DYRK1A: variants seen among roughly 807,000 people sequenced by gnomAD.
DYRK1A encodes the protein dual specificity tyrosine-phosphorylation-regulated kinase 1A.
Under a neutral mutation model 79.7 loss-of-function variants are expected in DYRK1A, and 9 were observed. The observed-to-expected ratio is 0.11, with a 90% confidence interval of 0.07 to 0.20. The LOEUF (loss-of-function observed/expected upper bound fraction) is 0.20. DYRK1A is among the 10% of genes least tolerant of loss of function. DYRK1A has a pLI of 1.00. For synonymous variants in DYRK1A, 349 were observed against 329.7 expected, an observed-to-expected ratio of 1.06 and a Z score of -0.63; for missense variants, 622 against 956.0, an observed-to-expected ratio of 0.65 and a Z score of 4.61.
chr21:37,382,617 A>G (rs971409865), intron 1 of DYRK1A, among the ~76,000 whole-genome samples: 3 of 152,206 alleles, frequency 2.0e-5, no homozygotes, highest in African/African-American at 4.8e-5. Context: ...TTTTCTAAAA[A>G]AGGTATTCTT....
chr21:37,437,942 G>C (rs2050975226), intron 2 of DYRK1A, among the ~76,000 whole-genome samples: 1 of 152,190 alleles, frequency 6.6e-6, no homozygotes, highest in Non-Finnish European at 1.5e-5. Flanking sequence ...TTACAAAGTA[G>C]TTGTACCGTT....
intron 2 of DYRK1A, among the ~76,000 whole-genome samples, chr21:37,457,765 A>G (rs1449657527): frequency 1.3e-5 from 2 of 152,214 alleles, no homozygotes; most frequent in Non-Finnish European, 2.9e-5. Context: ...AGCTAGAACT[A>G]AAAAAGAGCA....
Position 37,518,226 on chromosome 21 carries a change from G to T in DYRK1A, c.*5695G>T, listed in dbSNP as rs1427849737. 1.3e-5 allele frequency: 2 copies of T among 152,238 alleles called. No homozygotes were observed. The highest frequency in any genetic ancestry group is 4.8e-5 in the African/African-American group (2 of 41,450). 9.4% of individuals were successfully genotyped at this position (152,238 alleles called of 1,614,324 possible). A position where few individuals can be genotyped will look rare whatever the true frequency, so the allele number is the denominator to read the frequency against. ...ATGCAGTGAAATAGCATGAGAAAGA[G>T]CGTTTTTATGTACATCACAGACAAG... On this transcript the variant is annotated 3_prime_UTR_variant, in exon 12 of 12. Transcript: ENST00000647188.
At position 37,478,188 on chromosome 21, in the gene DYRK1A, C is replaced by T. The variant is rs2148571341; in HGVS notation, c.208-20C>T. 6.2e-7 allele frequency: 1 copy of T among 1,613,754 alleles called. No individual in the cohort carries two copies. Among genetic ancestry groups the T allele is most frequent in the Non-Finnish European group, 8.5e-7 (1 of 1,179,894 alleles). ...CTTTTCTGTCTATTTAAGGTGATGC[C>T]TGATATTGTCATGTTACAGAGGCGG... On this transcript the variant is annotated intron_variant, in intron 3 of 11. Coordinates refer to ENST00000647188, the MANE Select transcript of DYRK1A (RefSeq NM_001347721.2).
At chr21:37,458,685 A>G (rs2051741128) in intron 2 of DYRK1A, among the ~76,000 whole-genome samples, 1 of 152,218 alleles carries the variant, frequency 6.6e-6, no homozygotes, top group Non-Finnish European at 1.5e-5. Context: ...TGTCTTCTGT[A>G]GAGCAAGCTG....
intron 1 of DYRK1A, chr21:37,415,618 C>T (rs1005774334): frequency 2.6e-5 from 4 of 152,050 alleles, no homozygotes; most frequent in African/African-American, 9.7e-5. Context: ...GCTGCACCAC[C>T]ACACCCAACC....
intron 1 of DYRK1A, among the ~76,000 whole-genome samples, chr21:37,377,624 A>G (rs1052701881): frequency 3.3e-5 from 5 of 152,118 alleles, no homozygotes; most frequent in Admixed American, 2.6e-4. Flanking sequence ...GTACACCACC[A>G]CACCCAGCTA....
At chr21:37,511,813 T>G (rs1013961232) in intron 11 of DYRK1A, 98 bp from the exon 12 acceptor site, 53 of 1,375,560 alleles carry the variant, frequency 3.9e-5, no homozygotes, top group Non-Finnish European at 5.2e-5. Context: ...TCCCCCTGAT[T>G]AATATGATGC....
intron 2 of DYRK1A, among the ~76,000 whole-genome samples, chr21:37,435,864 C>A (rs1425647846): frequency 6.6e-6 from 1 of 152,116 alleles, no homozygotes; most frequent in African/African-American, 2.4e-5. Context: ...ATTTGAAGAT[C>A]AGGTTGTTAT....
intron 5 of DYRK1A, among the ~76,000 whole-genome samples, chr21:37,485,198 T>C (rs756320690): frequency 9.2e-5 from 14 of 152,182 alleles, no homozygotes; most frequent in Non-Finnish European, 1.3e-4. Flanking sequence ...TGTTAACTGT[T>C]TGGCAAGTCA....
intron 1 of DYRK1A, among the ~76,000 whole-genome samples, chr21:37,414,594 G>C (rs1338129062): frequency 6.6e-6 from 1 of 152,030 alleles, no homozygotes; most frequent in Non-Finnish European, 1.5e-5. Context: ...TATAAAAGTT[G>C]GCTTTACATA....
intron 8 of DYRK1A, 50 bp downstream of exon 8, chr21:37,493,213 C>T (rs776415629): frequency 2.4e-5 from 37 of 1,545,464 alleles, no homozygotes; most frequent in Non-Finnish European, 3.0e-5. Context: ...TTCTTTTTGT[C>T]TTTCATCTGT....
upstream of DYRK1A, chr21:37,366,095 C>T (rs1170372132): frequency 2.0e-5 from 3 of 151,862 alleles, no homozygotes; most frequent in Admixed American, 6.6e-5. Flanking sequence ...CTAGGAGGCC[C>T]GCCAGCCCTT....
At chr21:37,414,605 C>G (rs2050302601) in intron 1 of DYRK1A, among the ~76,000 whole-genome samples, 1 of 152,142 alleles carries the variant, frequency 6.6e-6, no homozygotes, top group South Asian at 2.1e-4. Flanking sequence ...GCTTTACATA[C>G]TACATACTAA....
At chr21:37,463,397 G>A (rs1006520422) in intron 2 of DYRK1A, among the ~76,000 whole-genome samples, 12 of 152,134 alleles carry the variant, frequency 7.9e-5, no homozygotes, top group Admixed American at 7.9e-4. Context: ...ACCTTCTGTG[G>A]AGCCAGGCAC....
intron 2 of DYRK1A, among the ~76,000 whole-genome samples, chr21:37,444,668 G>A (rs1380257132): frequency 6.6e-6 from 1 of 152,128 alleles, no homozygotes; most frequent in African/African-American, 2.4e-5. Context: ...GCCAAGCCTG[G>A]GTGCATGAGA....
chr21:37,464,269 A>G, intron 2 of DYRK1A: 1 of 485,874 alleles, frequency 2.1e-6, no homozygotes, highest in Non-Finnish European at 4.1e-6. Flanking sequence ...TCTCTGTAGA[A>G]TCAGTGCTGA....
chr21:37,367,432 C>G lies in DYRK1A; in HGVS notation c.-273C>G, dbSNP rs2148346361. The stretch of plus-strand genomic sequence containing the variant: ...GCCGGGGAGGGGGCTGTCGCCTCCC[C>G]GGCCCCGGGCGCCGCTGGAACCGCG... On this transcript the variant is annotated 5_prime_UTR_variant, in exon 1 of 12. Transcript: ENST00000647188. 6.7e-6 allele frequency: 1 copy of G among 148,614 alleles called. No individual in the cohort carries two copies. The highest frequency in any genetic ancestry group is 2.1e-4 in the South Asian group (1 of 4,800). 9.2% of individuals were successfully genotyped at this position (148,614 alleles called of 1,614,324 possible).
intron 2 of DYRK1A, among the ~76,000 whole-genome samples, chr21:37,464,088 G>A (rs1444669373): frequency 1.3e-5 from 2 of 152,162 alleles, no homozygotes; most frequent in African/African-American, 4.8e-5. Flanking sequence ...AGAGCTACGT[G>A]TGGGTTATGT....
Sources: gnomAD v4.1 joint callset for allele counts (sites outside exome capture counted in the v4.1 genomes callset) on GRCh38, gnomAD v4.1.1 for gene constraint, MANE v1.5 for transcripts, NCBI Gene and HGNC (gene_info 2026-07-23, HGNC 2026-07-21) for gene names.